ABCC10: variants seen among roughly 807,000 people sequenced by gnomAD.
ABCC10 encodes the protein ATP-binding cassette sub-family C member 10.
A neutral mutation model predicts 143.2 loss-of-function variants in ABCC10; 110 were observed. The ratio of observed to expected loss-of-function variants is 0.77; its 90% CI spans 0.66 to 0.90. The LOEUF (loss-of-function observed/expected upper bound fraction) is 0.90. Ranked by LOEUF, ABCC10 falls within the 40% of genes least tolerant of loss-of-function variation. The pLI, the probability that ABCC10 is intolerant of heterozygous loss-of-function variation, is 0.00. For missense variants in ABCC10, 1,700 were observed against 1,900.5 expected (o/e 0.89, Z 1.96); for synonymous variants, 805 against 846.7 (o/e 0.95, Z 0.85).
chr6:43,447,883 G>A lies in ABCC10; in HGVS notation c.3905G>A (p.Gly1302Glu). The A allele has an allele frequency of 1.2e-6, 2 of 1,613,932 alleles. No individual in the cohort carries two copies. Among genetic ancestry groups the A allele is most frequent in the Non-Finnish European group, 1.7e-6 (2 of 1,180,030 alleles). ...VLFRLLEPSSGRVLLDGVDTS... is the reference protein window; with the variant it reads ...VLFRLLEPSSERVLLDGVDTS... ...TTCCGGCTGCTAGAGCCCAGTTCAG[G>A]GCGAGTGCTGCTGGACGGCGTGGAC... is the stretch of plus-strand genomic sequence containing the variant. The change falls in exon 18 of 22, where the codon GGG becomes GAG. Residue 1302 changes from glycine to glutamate, a missense_variant. By Grantham distance (98) the Gly-to-Glu change is moderately conservative (BLOSUM62 -2). Transcript: ENST00000372530.
Position 43,433,201 on chromosome 6 carries a change from A to T in ABCC10, c.1221A>T (p.Gln407His). The part of the protein sequence containing the change: ...SFHEAWGLPL[Q>H]LAITLYLLYQ... ...ATGAAGCCTGGGGCCTGCCCCTGCA[A>T]CTGGCCATCACCCTCTACCTGCTGT... The change falls in exon 3 of 22, where the codon CAA (glutamine) becomes CAT (histidine). Residue 407 changes from glutamine (Q) to histidine (H), a missense_variant. By Grantham distance (24) the Gln-to-His change is conservative. Transcript: ENST00000372530. 1 of 1,614,090 alleles carries T rather than the reference A, an allele frequency of 6.2e-7. No homozygotes were observed. Among genetic ancestry groups the T allele is most frequent in the Non-Finnish European group, 8.5e-7 (1 of 1,179,968 alleles).
rs868654900 is a variant in ABCC10, at chr6:43,449,134, G to A, written c.4133G>A (p.Gly1378Glu). 1.2e-6 allele frequency: 2 copies of A among 1,614,200 alleles called. No individual in the cohort carries two copies. The highest frequency in any genetic ancestry group is 8.5e-7 in the Non-Finnish European group (1 of 1,180,008). The change falls in exon 20 of 22, where the codon GGG (glycine) becomes GAG (glutamate). Residue 1378 changes from glycine (G) to glutamate (E), a missense_variant. Coordinates refer to ENST00000372530, the MANE Select transcript of ABCC10 (RefSeq NM_001198934.2). ...GGTCTGGATGGTGAGCTGGGTGAGG[G>A]GGGCCGGAGCTTATCTCTTGGGCAG... ...MGGLDGELGE[G>E]GRSLSLGQRQ... is the part of the protein sequence containing the mutation.
Position 43,450,413 on chromosome 6 carries a change from A to G in ABCC10, c.*322A>G, listed in dbSNP as rs1783635647. 1 of 1,137,756 alleles carries G rather than the reference A, an allele frequency of 8.8e-7. No individual in the cohort carries two copies. Among genetic ancestry groups the G allele is most frequent in the Non-Finnish European group, 1.2e-6 (1 of 831,004 alleles). The allele number at this position is 1,137,756 out of a possible 1,614,324, so 70.5% of individuals were successfully genotyped here. A position where few individuals can be genotyped will look rare whatever the true frequency, so the allele number is the denominator to read the frequency against. On this transcript the variant is annotated 3_prime_UTR_variant, in exon 22 of 22. Coordinates refer to ENST00000372530, the MANE Select transcript of ABCC10 (RefSeq NM_001198934.2). The surrounding 1 kb of genome is among the most constrained non-coding windows in gnomAD (Gnocchi z 4.5). ...TTACATTCTGTGTATTAAAAAAATA[A>G]TATTTCTGGTGTGAGGCTGAGGTCT...
chr6:43,444,036 G>A lies in ABCC10; in HGVS notation c.2494+26G>A, dbSNP rs750083338. The A allele has an allele frequency of 2.5e-6, 4 of 1,610,548 alleles. No homozygotes were observed. In the African/African-American group the frequency reaches 4.0e-5, roughly 16 times the overall value. On this transcript the variant is annotated intron_variant, in intron 11 of 21. Transcript: ENST00000372530. ...GTATGGCTCCCCAGTGGGAGAAAAG[G>A]GCTTGCTTTTCCCTGCCACACTGTA...
intron 6 of ABCC10, among the ~76,000 whole-genome samples, chr6:43,437,248 C>T (rs1351839870): frequency 6.6e-6 from 1 of 152,000 alleles, no homozygotes; most frequent in East Asian, 1.9e-4. Context: ...GGACCTGATC[C>T]CAAATTCCCA....
Position 43,445,083 on chromosome 6 carries a change from G to T in ABCC10, c.2841-42G>T, listed in dbSNP as rs747595056. On this transcript the variant is annotated intron_variant, in intron 13 of 21. Transcript: ENST00000372530. ...GGGGAGGAGAAAGGACCCCCGAGTG[G>T]CCCTAGTTTTGGTTACCGACAGCCC... is the stretch of plus-strand genomic sequence containing the variant. 10 of 1,607,066 alleles carry T rather than the reference G, an allele frequency of 6.2e-6. No homozygotes were observed. In the South Asian group the frequency reaches 1.1e-4, roughly 18 times the overall value.
At chr6:43,431,838 C>T in intron 2 of ABCC10, 1 of 1,240,538 alleles carries the variant, frequency 8.1e-7, no homozygotes, top group Non-Finnish European at 1.0e-6. Flanking sequence ...ACAATCTTAC[C>T]TCAAAATTGT....
At chr6:43,437,636 G>A (rs1781890849) in intron 6 of ABCC10, among the ~76,000 whole-genome samples, 1 of 152,050 alleles carries the variant, frequency 6.6e-6, no homozygotes, top group Admixed American at 6.6e-5. Flanking sequence ...AGTTTACCTT[G>A]GAAGTTCTTG....
intron 12 of ABCC10, 86 bp from the exon 13 acceptor site, chr6:43,444,702 G>C (rs572340471): frequency 6.7e-7 from 1 of 1,500,916 alleles, no homozygotes; most frequent in East Asian, 2.3e-5. Flanking sequence ...AGGAACCAGA[G>C]GCAAGGGCGG....
Position 43,433,035 on chromosome 6 carries a change from C to T in ABCC10, c.1055C>T (p.Thr352Ile). ...TATGGGTATGAGGTATATAAGGTAACACTTCAGGCACGGGGGGCTGTGCTG... is the reference window on the plus strand; with the variant it reads ...TATGGGTATGAGGTATATAAGGTAATACTTCAGGCACGGGGGGCTGTGCTG... Reference protein sequence around the residue: ...NQYGYEVYKVTLQARGAVLNI... With the variant: ...NQYGYEVYKVILQARGAVLNI... Residue 352 changes from threonine to isoleucine, a missense_variant, in exon 3 of 22, where the codon ACA becomes ATA. Coordinates refer to ENST00000372530, the MANE Select transcript of ABCC10 (RefSeq NM_001198934.2). 1.9e-6 allele frequency: 3 copies of T among 1,614,182 alleles called. No homozygotes were observed. The highest frequency in any genetic ancestry group is 2.5e-6 in the Non-Finnish European group (3 of 1,180,036).
rs767825018 is a variant in ABCC10, at chr6:43,433,208, A to G, written c.1228A>G (p.Ile410Val). ...CTGGGGCCTGCCCCTGCAACTGGCC[A>G]TCACCCTCTACCTGCTGTACCAGCA... ...EAWGLPLQLA[I>V]TLYLLYQQVG... is the part of the protein sequence containing the mutation. The change falls in exon 3 of 22, where the codon ATC (isoleucine) becomes GTC (valine). Residue 410 changes from isoleucine to valine, a missense_variant. Physicochemically the swap from Ile to Val is conservative, Grantham distance 29 (BLOSUM62 3). Transcript: ENST00000372530. 6 of 1,614,010 alleles carry G rather than the reference A, an allele frequency of 3.7e-6. No homozygotes were observed. The highest frequency in any genetic ancestry group is 1.6e-4 in the Middle Eastern group (1 of 6,084).
At chr6:43,436,113 C>G (rs751910142) in intron 5 of ABCC10, 25 bp from the exon 6 acceptor site, 6 of 1,613,960 alleles carry the variant, frequency 3.7e-6, no homozygotes, top group East Asian at 4.5e-5. Flanking sequence ...ATTAGGAGCC[C>G]AAATCAAGTG....
intron 5 of ABCC10, 89 bp from the exon 6 acceptor site, chr6:43,436,049 A>G (rs1233066795): frequency 6.2e-7 from 1 of 1,606,066 alleles, no homozygotes; most frequent in Non-Finnish European, 8.5e-7. Flanking sequence ...GCAGGTAGAT[A>G]TGGGGCTGGC....
Position 43,436,182 on chromosome 6 carries a change from T to C in ABCC10, c.1810T>C (p.Leu604=), listed in dbSNP as rs1287320768. The change falls in exon 6 of 22, where the codon TTG becomes CTG. Residue 604 remains leucine (L), a synonymous_variant. Transcript: ENST00000372530. ...PSTVLELHGA[L]FSWDPVGTSL... ...TACAGTATTGGAGCTGCATGGAGCCTTGTTCTCCTGGGACCCAGTTGGAAC... is the reference window on the plus strand; with the variant it reads ...TACAGTATTGGAGCTGCATGGAGCCCTGTTCTCCTGGGACCCAGTTGGAAC... 25 of 1,614,072 alleles carry C rather than the reference T, an allele frequency of 1.5e-5. No homozygotes were observed. The highest frequency in any genetic ancestry group is 2.1e-5 in the Non-Finnish European group (25 of 1,180,052).
intron 2 of ABCC10, among the ~76,000 whole-genome samples, chr6:43,430,366 C>T (rs1780996788): frequency 6.6e-6 from 1 of 152,148 alleles, no homozygotes; most frequent in South Asian, 2.1e-4. Context: ...GCTGGGATTA[C>T]AGGCTTGAGC....
At chr6:43,450,486 C>T (rs1478994329), downstream of ABCC10, 1 of 1,511,674 alleles carries the variant, frequency 6.6e-7, no homozygotes, top group African/African-American at 1.4e-5. This position sits in a 1 kb window ranked among gnomAD's most constrained non-coding sequence, Gnocchi z 4.5. Context: ...CGGACCACTC[C>T]AGTCTGAGGG....
rs551979305 is a variant in ABCC10, at chr6:43,432,334, C to T, written c.354C>T (p.Ala118=). The change falls in exon 3 of 22, where the codon GCC becomes GCT. Residue 118 remains alanine (A), a synonymous_variant. Transcript: ENST00000372530. ...AAVAWISHSL[A]LWVLAHSPHG... is the part of the protein sequence containing the mutation. ...TGGCCTGGATCAGCCACAGCCTGGC[C>T]CTGTGGGTGTTGGCACATTCCCCTC... 6.8e-6 allele frequency: 11 copies of T among 1,614,026 alleles called. No individual in the cohort carries two copies. The African/African-American group carries it at 1.5e-4, about 22-fold the overall frequency.
chr6:43,441,204 A>G (rs1370315762), intron 8 of ABCC10, among the ~76,000 whole-genome samples: 3 of 152,140 alleles, frequency 2.0e-5, no homozygotes, highest in Non-Finnish European at 4.4e-5. Context: ...TAGGCCAGGC[A>G]CGGTGGCTCA....
Position 43,445,291 on chromosome 6 carries a change from C to T in ABCC10, c.3007C>T (p.Arg1003Cys), listed in dbSNP as rs148822421. Residue 1003 changes from arginine to cysteine, a missense_variant, in exon 14 of 22, where the codon CGC (arginine) becomes TGC (cysteine). Physicochemically the swap from Arg to Cys is radical, Grantham distance 180. Transcript: ENST00000372530. ...TLQAAATLHR[R>C]LLHRVLMAPV... ...TCAAGCAGCTGCCACTCTGCATCGC[C>T]GCCTGCTGCATCGAGTCCTTATGGT... 131 of 1,613,878 alleles carry T rather than the reference C, an allele frequency of 8.1e-5. No homozygotes were observed. The highest frequency in any genetic ancestry group is 7.6e-4 in the South Asian group (69 of 91,036).
Sources: allele counts gnomAD v4.1 joint callset (sites outside exome capture counted in the v4.1 genomes callset), GRCh38; gene constraint gnomAD v4.1.1; non-coding constraint Gnocchi (gnomAD v3.1); transcripts MANE v1.5; gene names NCBI Gene and HGNC (gene_info 2026-07-23, HGNC 2026-07-21).